ZMYND8: variants seen among roughly 807,000 people sequenced by gnomAD.
ZMYND8 encodes zinc finger MYND-type containing 8, also known as MYND-type zinc finger-containing chromatin reader ZMYND8.
A neutral mutation model predicts 140.8 loss-of-function variants in ZMYND8; 37 were observed. The observed-to-expected ratio is 0.26, with a 90% CI of 0.20 to 0.35. The LOEUF (loss-of-function observed/expected upper bound fraction) is 0.35. ZMYND8 is among the 10% of genes least tolerant of loss of function. The probability of loss-of-function intolerance (pLI) is 1.00; values close to 1 mark genes in which losing one functional copy is unlikely to be tolerated. For missense variants in ZMYND8, 1,068 were observed against 1,570.0 expected, an observed-to-expected ratio of 0.68 and a Z score of 5.40; for synonymous variants, 592 against 597.1, an observed-to-expected ratio of 0.99 and a Z score of 0.12.
intron 16 of ZMYND8, among the ~76,000 whole-genome samples, chr20:47,234,948 T>G (rs1293364005): frequency 6.6e-6 from 1 of 152,138 alleles, no homozygotes; most frequent in Non-Finnish European, 1.5e-5. Context: ...GAGACCAGCC[T>G]GGGCAACAAA....
chr20:47,220,670 T>C (rs1169692667), intron 20 of ZMYND8, among the ~76,000 whole-genome samples: 1 of 152,254 alleles, frequency 6.6e-6, no homozygotes, highest in Non-Finnish European at 1.5e-5. Context: ...TCAGTCCGCT[T>C]TTAATTCATG....
intron 1 of ZMYND8, chr20:47,355,352 C>T (rs1201047463): frequency 4.0e-6 from 3 of 742,268 alleles, no homozygotes; most frequent in Non-Finnish European, 3.3e-6. Context: ...AATGAAGCCC[C>T]CAACTCCTGT....
Position 47,210,592 on chromosome 20 carries a change from TG to T in ZMYND8, c.*168del. Reference sequence around the variant, plus strand: ...AACAGTCTGCAGTCAAAGCCGATGCTGGGTGTCCTGTAGTGTAGCAGCCCCC... The same window carrying T: ...AACAGTCTGCAGTCAAAGCCGATGCTGGTGTCCTGTAGTGTAGCAGCCCCC... On this transcript the variant is annotated 3_prime_UTR_variant, in exon 23 of 23. Transcript: ENST00000471951. 1 of 938,606 alleles carries T rather than the reference TG, an allele frequency of 1.1e-6. No individual in the cohort carries two copies. Among genetic ancestry groups the T allele is most frequent in the Non-Finnish European group, 1.7e-6 (1 of 604,608 alleles). 58.1% of individuals were successfully genotyped at this position (938,606 alleles called of 1,614,324 possible).
At chr20:47,320,999 G>C (rs979521682) in intron 2 of ZMYND8, among the ~76,000 whole-genome samples, 1 of 152,194 alleles carries the variant, frequency 6.6e-6, no homozygotes, top group African/African-American at 2.4e-5. Context: ...AATAGAACCA[G>C]GGTAAAAGTT....
At chr20:47,257,517 T>C (rs1302002363) in intron 12 of ZMYND8, among the ~76,000 whole-genome samples, 2 of 151,672 alleles carry the variant, frequency 1.3e-5, no homozygotes, top group African/African-American at 4.8e-5. Flanking sequence ...TACACACACA[T>C]ACATATACTC....
intron 2 of ZMYND8, among the ~76,000 whole-genome samples, chr20:47,342,168 T>C (rs1020000822): frequency 5.3e-5 from 8 of 151,834 alleles, no homozygotes; most frequent in Non-Finnish European, 8.8e-5. Context: ...GGAAACTCCA[T>C]CTCAAAAACG....
chr20:47,224,697 C>T (rs1378261694), intron 18 of ZMYND8, 141 bp from the exon 19 acceptor site: 2 of 1,431,852 alleles, frequency 1.4e-6, no homozygotes, highest in Non-Finnish European at 1.9e-6. Flanking sequence ...GGGCAATAAC[C>T]TAGCCCGAGT....
Position 47,298,181 on chromosome 20 carries a change from TG to T in ZMYND8, c.453+547del. On this transcript the variant is annotated intron_variant, in intron 4 of 22. Coordinates refer to ENST00000471951, the MANE Select transcript of ZMYND8 (RefSeq NM_001281775.3). This position sits in a 1 kb window ranked among gnomAD's most constrained non-coding sequence, Gnocchi z 5.0. ...TATTTTGGTTTTTGTCCTTTTCTGCTGGAAAAAAAAAAATGATCCATGCCTG... is the reference window on the plus strand; with the variant it reads ...TATTTTGGTTTTTGTCCTTTTCTGCTGAAAAAAAAAAATGATCCATGCCTG... 1.2e-6 allele frequency: 1 copy of T among 814,958 alleles called. No homozygotes were observed. The highest frequency in any genetic ancestry group is 1.5e-6 in the Non-Finnish European group (1 of 674,966). The allele number at this position is 814,958 out of a possible 1,614,324, so 50.5% of individuals were successfully genotyped here. A position where few individuals can be genotyped will look rare whatever the true frequency, so the allele number is the denominator to read the frequency against.
chr20:47,331,941 C>T (rs1364155060), intron 2 of ZMYND8, among the ~76,000 whole-genome samples: 3 of 152,214 alleles, frequency 2.0e-5, no homozygotes, highest in African/African-American at 7.2e-5. Flanking sequence ...CGGTGGCTCA[C>T]GCCTGTAATC....
intron 2 of ZMYND8, among the ~76,000 whole-genome samples, chr20:47,317,119 C>CA (rs750271076): frequency 1.3e-5 from 2 of 152,274 alleles, no homozygotes; most frequent in Admixed American, 1.3e-4. Context: ...AGCACACTCT[C>CA]ATTTTGCCTT....
intron 2 of ZMYND8, among the ~76,000 whole-genome samples, chr20:47,339,723 A>T (rs1298988504): frequency 1.3e-5 from 2 of 151,194 alleles, no homozygotes; most frequent in African/African-American, 4.9e-5. Context: ...TGATCCGCCC[A>T]CCTCGGCTTC....
In ZMYND8 at chr20:47,271,081, G is replaced by GA. The variant is rs199939748; in HGVS notation, c.1480+5232dup. Among the ~76,000 whole-genome samples the GA allele has an allele frequency of 2.2e-4, 32 of 144,736 alleles. No individual in the cohort carries two copies. In the South Asian group the frequency reaches 2.9e-3, roughly 13 times the overall value. The allele number at this position is 144,736 out of a possible 152,430, so 95.0% of individuals were successfully genotyped here. A position where few individuals can be genotyped will look rare whatever the true frequency, so the allele number is the denominator to read the frequency against. On this transcript the variant is annotated intron_variant, in intron 11 of 22. Transcript: ENST00000471951. Reference sequence around the variant, plus strand: ...GACAGAGTGAGACTCCGTCTAAAAAGAAAAAAAAAAGAAAGAAAAACCAGA... The same window carrying GA: ...GACAGAGTGAGACTCCGTCTAAAAAGAAAAAAAAAAAGAAAGAAAAACCAGA...
At chr20:47,279,353 C>T (rs2076455830) in intron 10 of ZMYND8, among the ~76,000 whole-genome samples, 2 of 152,010 alleles carry the variant, frequency 1.3e-5, no homozygotes, top group Non-Finnish European at 2.9e-5. Flanking sequence ...CCCTGTAATA[C>T]CAGCTACTCA....
intron 12 of ZMYND8, among the ~76,000 whole-genome samples, chr20:47,255,742 A>ACTG (rs1485369707): frequency 1.8e-5 from 1 of 55,814 alleles, no homozygotes; most frequent in East Asian, 6.6e-4. Flanking sequence ...ATATATATAT[A>ACTG]TATATATATA....
At chr20:47,214,641 G>A (rs2035804306) in intron 21 of ZMYND8, among the ~76,000 whole-genome samples, 1 of 152,094 alleles carries the variant, frequency 6.6e-6, no homozygotes. Context: ...TTACAGGGGT[G>A]TGTCACCACG....
intron 11 of ZMYND8, among the ~76,000 whole-genome samples, chr20:47,264,873 A>G (rs2075396941): frequency 6.6e-6 from 1 of 151,898 alleles, no homozygotes; most frequent in African/African-American, 2.4e-5. Flanking sequence ...CATCTCTACT[A>G]AAAATACAAA....
At chr20:47,281,358 G>A (rs2076594076) in intron 10 of ZMYND8, among the ~76,000 whole-genome samples, 1 of 152,210 alleles carries the variant, frequency 6.6e-6, no homozygotes, top group South Asian at 2.1e-4. Context: ...TATATTTTAA[G>A]TAGTCTCGCT....
chr20:47,300,884 TTGTGTGTGTG>T (rs200833449), intron 3 of ZMYND8, among the ~76,000 whole-genome samples: 8,936 of 130,324 alleles, frequency 0.069, 366 homozygotes, highest in African/African-American at 0.11. Context: ...ACAACTAATT[TTGTGTGTGTG>T]TGTGTGTGTG....
intron 19 of ZMYND8, 152 bp downstream of exon 19, chr20:47,224,165 C>T: frequency 1.5e-6 from 2 of 1,307,062 alleles, no homozygotes; most frequent in South Asian, 2.9e-5. Flanking sequence ...CACTGCTCAC[C>T]TGTGTGTAAG....
Sources: allele counts gnomAD v4.1 joint callset (sites outside exome capture counted in the v4.1 genomes callset), GRCh38; gene constraint gnomAD v4.1.1; non-coding constraint Gnocchi (gnomAD v3.1); transcripts MANE v1.5; gene names NCBI Gene and HGNC (gene_info 2026-07-23, HGNC 2026-07-21).